The following ZBTB21 variants were observed in gnomAD, a reference collection of about 807,000 sequenced individuals.
The protein encoded by ZBTB21 is zinc finger and BTB domain-containing protein 21.
In ZBTB21, 10 loss-of-function variants were observed where a neutral mutation model predicts 39.8. The observed-to-expected ratio is 0.25, with a 90% confidence interval of 0.16 to 0.43. ZBTB21 has a LOEUF of 0.43. Among genes scored for constraint, ZBTB21 ranks in the 20% least tolerant of loss-of-function variants. The probability of loss-of-function intolerance (pLI) is 1.00; values close to 1 mark genes in which losing one functional copy is unlikely to be tolerated. For missense variants in ZBTB21, 1,221 were observed against 1,296.3 expected, an observed-to-expected ratio of 0.94 and a Z score of 0.89; for synonymous variants, 551 against 498.8, an observed-to-expected ratio of 1.10 and a Z score of -1.40.
intron 1 of ZBTB21, among the ~76,000 whole-genome samples, chr21:42,009,785 C>T (rs2065935851): frequency 6.6e-6 from 1 of 151,980 alleles, no homozygotes; most frequent in African/African-American, 2.4e-5. Flanking sequence ...CCAAGGCCGC[C>T]GGCCAGCTTC....
rs1438561654 is a variant in ZBTB21 at position 41,993,033 on chromosome 21, G to A, written c.1063C>T (p.Pro355Ser). The change falls in exon 3 of 3, where the codon CCT (proline) becomes TCT (serine). Residue 355 changes from proline to serine, a missense_variant. Pro to Ser is a moderately conservative substitution (Grantham distance 74). Around this residue, in one of 4 missense-constraint regions of ZBTB21, gnomAD observed 500 missense variants for 465.6 expected, o/e 1.07. Coordinates refer to ENST00000310826, the MANE Select transcript of ZBTB21 (RefSeq NM_001098402.2). ...SMDSQVPVYS[P>S]SIDLKSSQGS... ...TGGGAAGATTTCAAATCTATGGAAG[G>A]TGAATAGACAGGAACCTGGCTATCC... 6.2e-7 allele frequency: 1 copy of A among 1,614,084 alleles called. No homozygotes were observed. The highest frequency in any genetic ancestry group is 8.5e-7 in the Non-Finnish European group (1 of 1,180,044).
At chr21:42,006,134 G>C (rs2065875425) in intron 1 of ZBTB21, among the ~76,000 whole-genome samples, 1 of 152,184 alleles carries the variant, frequency 6.6e-6, no homozygotes, top group Non-Finnish European at 1.5e-5. Context: ...AATTTTCTTA[G>C]CCAGGTGTGG....
At chr21:41,995,012 C>A (rs1375422958) in intron 2 of ZBTB21, among the ~76,000 whole-genome samples, 1 of 152,196 alleles carries the variant, frequency 6.6e-6, no homozygotes, top group Non-Finnish European at 1.5e-5. Context: ...GATTAAAAGG[C>A]CTCCCCAACC....
intron 2 of ZBTB21, among the ~76,000 whole-genome samples, chr21:41,997,397 G>C (rs1246020960): frequency 1.3e-5 from 2 of 152,092 alleles, no homozygotes; most frequent in Admixed American, 1.3e-4. Flanking sequence ...CCAACATGGT[G>C]AAATTCCATC....
In ZBTB21 at chr21:41,992,673, T is replaced by C. The variant is rs765434781; in HGVS notation, c.1423A>G (p.Lys475Glu). 6.2e-7 allele frequency: 1 copy of C among 1,614,132 alleles called. No homozygotes were observed. Among genetic ancestry groups the C allele is most frequent in the South Asian group, 1.1e-5 (1 of 91,076 alleles). ...TTTGCTGGGAGTCTGCTCATGTCTT[T>C]TTGGTCATCTTCTGTTTTCAGAGAC... The part of the protein sequence containing the change: ...DLSLKTEDDQ[K>E]DMSRLPAKRR... Residue 475 changes from lysine (K) to glutamate (E), a missense_variant, in exon 3 of 3, where the codon AAA becomes GAA. Physicochemically the swap from Lys to Glu is moderately conservative, Grantham distance 56. Transcript: ENST00000310826. This position sits in a 1 kb window ranked among gnomAD's most constrained non-coding sequence, Gnocchi z 4.1.
At chr21:41,995,563 A>T (rs2065735077) in intron 2 of ZBTB21, among the ~76,000 whole-genome samples, 1 of 152,222 alleles carries the variant, frequency 6.6e-6, no homozygotes. Context: ...AGAGAATAAA[A>T]GCTTGGAGAA....
At position 41,994,123 on chromosome 21, in the gene ZBTB21, G is replaced by A. The variant is rs2065714197; in HGVS notation, c.-13-15C>T. ...CTTGAGTTTATCTAAAAGACAAAAT[G>A]TAAAATTACTACAGATATTGCAGTG... is the stretch of plus-strand genomic sequence containing the variant. On this transcript the variant is annotated splice_polypyrimidine_tract_variant and intron_variant, in intron 2 of 2. Transcript: ENST00000310826. The A allele has an allele frequency of 6.5e-7, 1 of 1,540,810 alleles. No individual in the cohort carries two copies. The highest frequency in any genetic ancestry group is 8.7e-7 in the Non-Finnish European group (1 of 1,147,032).
rs1383789184 is a variant in ZBTB21, at chr21:41,992,102, C to T, written c.1994G>A (p.Arg665Gln). The part of the protein sequence containing the change: ...QQVIKRNLRS[R>Q]AKGAYICTYC... ...AGTACAAATGTAAGCTCCTTTGGCT[C>T]GAGATCTCAAGTTCCTCTTGATGAC... Residue 665 changes from arginine (R) to glutamine (Q), a missense_variant, in exon 3 of 3, where the codon CGA (arginine) becomes CAA (glutamine). Around this residue, in one of 4 missense-constraint regions of ZBTB21, gnomAD observed 523 missense variants for 542.5 expected, o/e 0.96. Transcript: ENST00000310826. This position sits in a 1 kb window ranked among gnomAD's most constrained non-coding sequence, Gnocchi z 4.1. The T allele has an allele frequency of 1.9e-6, 3 of 1,613,904 alleles. No homozygotes were observed. The highest frequency in any genetic ancestry group is 1.1e-5 in the South Asian group (1 of 91,072).
At chr21:42,005,704 C>T (rs1428787151) in intron 1 of ZBTB21, among the ~76,000 whole-genome samples, 2 of 152,204 alleles carry the variant, frequency 1.3e-5, no homozygotes, top group African/African-American at 2.4e-5. Context: ...TGATCGCTCA[C>T]CCAACATACA....
rs1287063990 is a variant in ZBTB21, at chr21:41,992,074, G to GT, written c.2021dup (p.Tyr674Ter). Residue 674 changes from tyrosine (Y) to a stop codon, truncating the protein, a stop_gained and frameshift_variant, in exon 3 of 3, where the codon TAC becomes TAAC. Coordinates refer to ENST00000310826, the MANE Select transcript of ZBTB21 (RefSeq NM_001098402.2). LOFTEE classifies it high-confidence loss of function. This position sits in a 1 kb window ranked among gnomAD's most constrained non-coding sequence, Gnocchi z 4.1. ...AGAGAAAGCGGTACGCTTTTCCGCA[G>GT]TAAGTACAAATGTAAGCTCCTTTGG... Reference protein sequence around the residue: ...SRAKGAYICTYCGKAYRFLSQ... With the variant: ...SRAKGAYICT 3 of 1,614,208 alleles carry GT rather than the reference G, an allele frequency of 1.9e-6. No individual in the cohort carries two copies.
rs1316112483 is a variant in ZBTB21, at chr21:41,991,962, G to A, written c.2134C>T (p.Leu712Phe). ...KVAKPKEHAP[L>F]ASPVENKEVY... Reference sequence around the variant, plus strand: ...TCCTTGTTTTCTACTGGACTTGCAAGAGGAGCATGCTCTTTTGGTTTAGCA... The same window carrying A: ...TCCTTGTTTTCTACTGGACTTGCAAAAGGAGCATGCTCTTTTGGTTTAGCA... The change falls in exon 3 of 3, where the codon CTT becomes TTT. Residue 712 changes from leucine (L) to phenylalanine (F), a missense_variant. By Grantham distance (22) the Leu-to-Phe change is conservative. This residue lies in a region of ZBTB21 where 523 missense variants were observed against 542.5 expected (regional missense o/e 0.96). Transcript: ENST00000310826. This position sits in a 1 kb window ranked among gnomAD's most constrained non-coding sequence, Gnocchi z 4.9. 2 of 1,614,150 alleles carry A rather than the reference G, an allele frequency of 1.2e-6. No homozygotes were observed. The highest frequency in any genetic ancestry group is 1.6e-4 in the Middle Eastern group (1 of 6,062).
At chr21:42,000,293 T>C (rs989921963) in intron 2 of ZBTB21, among the ~76,000 whole-genome samples, 1 of 152,242 alleles carries the variant, frequency 6.6e-6, no homozygotes, top group Non-Finnish European at 1.5e-5. Flanking sequence ...GTACCCTTTA[T>C]GAGCCTCCAT....
intron 1 of ZBTB21, chr21:42,007,895 C>T (rs1398237875): frequency 1.3e-5 from 2 of 152,208 alleles, no homozygotes; most frequent in Non-Finnish European, 2.9e-5. Context: ...GACCTTGTGA[C>T]TTTAATCACT....
At position 41,992,384 on chromosome 21, in the gene ZBTB21, G is replaced by A. The variant is rs1394078337; in HGVS notation, c.1712C>T (p.Pro571Leu). 2 of 1,614,062 alleles carry A rather than the reference G, an allele frequency of 1.2e-6. No individual in the cohort carries two copies. The highest frequency in any genetic ancestry group is 1.7e-6 in the Non-Finnish European group (2 of 1,180,048). ...GATGTCACAAGCGTAGGGCTTTTCT[G>A]GGTTATGGTACATGTTAACATGACG... ...LHRHVNMYHNPEKPYACDICH... is the reference protein window; with the variant it reads ...LHRHVNMYHNLEKPYACDICH... The change falls in exon 3 of 3, where the codon CCA (proline) becomes CTA (leucine). Residue 571 changes from proline (P) to leucine (L), a missense_variant. Around this residue, in one of 4 missense-constraint regions of ZBTB21, gnomAD observed 90 missense variants for 133.1 expected, o/e 0.68. Transcript: ENST00000310826. This position sits in a 1 kb window ranked among gnomAD's most constrained non-coding sequence, Gnocchi z 4.1.
intron 1 of ZBTB21, among the ~76,000 whole-genome samples, chr21:42,008,892 G>C (rs2065918137): frequency 6.6e-6 from 1 of 152,114 alleles, no homozygotes; most frequent in South Asian, 2.1e-4. Flanking sequence ...ATGACTACTA[G>C]TCCTTAGAGA....
At position 41,991,029 on chromosome 21, in the gene ZBTB21, C is replaced by A; in HGVS notation, c.3067G>T (p.Glu1023Ter). Reference sequence around the variant, plus strand: ...GCATGGTAAAAAAGGGTGTCTGATTCTTGGGGCACAAACAGTTTTTCTGTG... The same window carrying A: ...GCATGGTAAAAAAGGGTGTCTGATTATTGGGGCACAAACAGTTTTTCTGTG... ...PATEKLFVPQ[E>*]SDTLFYHAPP... Residue 1023 changes from glutamate to a stop codon, truncating the protein, a stop_gained, in exon 3 of 3, where the codon GAA (glutamate) becomes TAA (stop). Coordinates refer to ENST00000310826, the MANE Select transcript of ZBTB21 (RefSeq NM_001098402.2). LOFTEE classifies it high-confidence loss of function. The surrounding 1 kb of genome is among the most constrained non-coding windows in gnomAD (Gnocchi z 4.9). 6.3e-7 allele frequency: 1 copy of A among 1,580,252 alleles called. No individual in the cohort carries two copies. The highest frequency in any genetic ancestry group is 1.8e-5 in the Admixed American group (1 of 54,236).
chr21:42,010,140 G>A (rs939957144), intron 1 of ZBTB21, 112 bp downstream of exon 1: 4 of 389,270 alleles, frequency 1.0e-5, no homozygotes, highest in East Asian at 3.6e-5. Context: ...GAAAAAAGAG[G>A]AGAGAAATCA....
At chr21:42,000,194 A>G (rs2065800879) in intron 2 of ZBTB21, among the ~76,000 whole-genome samples, 1 of 152,156 alleles carries the variant, frequency 6.6e-6, no homozygotes, top group Admixed American at 6.5e-5. Context: ...CTTAGGAGAG[A>G]TGGGGTTTGA....
intron 2 of ZBTB21, among the ~76,000 whole-genome samples, chr21:41,998,774 G>T (rs2065782823): frequency 1.3e-5 from 2 of 152,098 alleles, no homozygotes; most frequent in Non-Finnish European, 2.9e-5. Context: ...TCCCTGATAA[G>T]ATGCGACTCA....
Sources: allele counts gnomAD v4.1 joint callset (sites outside exome capture counted in the v4.1 genomes callset), GRCh38; gene constraint gnomAD v4.1.1; regional missense constraint gnomAD v4.1.1; non-coding constraint Gnocchi (gnomAD v3.1); transcripts MANE v1.5; gene names NCBI Gene and HGNC (gene_info 2026-07-23, HGNC 2026-07-21).